LRRC14: variants seen among roughly 807,000 people sequenced by gnomAD.
LRRC14 encodes leucine-rich repeat-containing protein 14.
In LRRC14, 16 loss-of-function variants were observed where a neutral mutation model predicts 25.3. The ratio of observed to expected loss-of-function variants is 0.63; its 90% CI spans 0.43 to 0.96. LRRC14 has a LOEUF of 0.96. LRRC14 is among the 40% of genes least tolerant of loss of function. The pLI, the probability that LRRC14 is intolerant of heterozygous loss-of-function variation, is 0.00. For synonymous variants in LRRC14, 359 were observed against 295.1 expected, an observed-to-expected ratio of 1.22 and a Z score of -2.22; for missense variants, 594 against 660.5, an observed-to-expected ratio of 0.90 and a Z score of 1.10.
chr8:144,520,342 G>A lies in LRRC14; in HGVS notation c.434G>A (p.Arg145His), dbSNP rs768966076. ...SMWDCTAAVA[R>H]TCIAQQQGGA... is the part of the protein sequence containing the mutation. ...TGGGACTGTACTGCTGCCGTAGCTC[G>A]CACATGCATTGCCCAGCAGCAGGGT... Residue 145 changes from arginine to histidine, a missense_variant, in exon 3 of 4, where the codon CGC becomes CAC. Arg to His is a conservative substitution (Grantham distance 29). Coordinates refer to ENST00000292524, the MANE Select transcript of LRRC14 (RefSeq NM_014665.4). 3.7e-6 allele frequency: 6 copies of A among 1,612,166 alleles called. No individual in the cohort carries two copies. The highest frequency in any genetic ancestry group is 2.2e-5 in the East Asian group (1 of 44,864).
In LRRC14 at chr8:144,522,603, C is replaced by G. The variant is rs1339711506; in HGVS notation, c.*1125C>G. The G allele has an allele frequency of 6.4e-7, 1 of 1,569,054 alleles. No homozygotes were observed. Among genetic ancestry groups the G allele is most frequent in the African/African-American group, 1.4e-5 (1 of 71,764 alleles). On this transcript the variant is annotated 3_prime_UTR_variant, in exon 4 of 4. Coordinates refer to ENST00000292524, the MANE Select transcript of LRRC14 (RefSeq NM_014665.4). ...AAGAGCGGCTTGGAGCGGTTGATGACGAACATCTCGTGGCCGCGCTCGTCG... is the reference window on the plus strand; with the variant it reads ...AAGAGCGGCTTGGAGCGGTTGATGAGGAACATCTCGTGGCCGCGCTCGTCG...
chr8:144,518,761 G>A lies in LRRC14; in HGVS notation c.-112+720G>A, dbSNP rs1815679528. ...TAATCTGTCACAGGGAGATGGCTGC[G>A]ATTTAGTTTTGAGGATGCTACAGGC... is the stretch of plus-strand genomic sequence containing the variant. On this transcript the variant is annotated intron_variant, in intron 1 of 3. Transcript: ENST00000292524. 3 of 152,412 alleles carry A rather than the reference G, an allele frequency of 2.0e-5. No individual in the cohort carries two copies. In the Middle Eastern group the frequency reaches 0.01, roughly 518 times the overall value. The allele number at this position is 152,412 out of a possible 1,614,324, so 9.4% of individuals were successfully genotyped here.
rs549917963 is a variant in LRRC14, at chr8:144,522,171, C to T, written c.*693C>T. 366 of 368,248 alleles carry T rather than the reference C, an allele frequency of 9.9e-4. 2 individuals are homozygous for T. Among genetic ancestry groups the T allele is most frequent in the Middle Eastern group, 7.0e-3 (10 of 1,426 alleles). 22.8% of individuals were successfully genotyped at this position (368,248 alleles called of 1,614,324 possible). A position where few individuals can be genotyped will look rare whatever the true frequency, so the allele number is the denominator to read the frequency against. On this transcript the variant is annotated 3_prime_UTR_variant, in exon 4 of 4. Transcript: ENST00000292524. ...AGCCCCGTCGGCACTGCCGGCCAGT[C>T]CTTGCTCTTCCCACCTTTCGGAGGC...
Position 144,522,446 on chromosome 8 carries a change from G to A in LRRC14, c.*968G>A, listed in dbSNP as rs900453289. 42 of 1,392,014 alleles carry A rather than the reference G, an allele frequency of 3.0e-5. No homozygotes were observed. The highest frequency in any genetic ancestry group is 3.8e-5 in the Non-Finnish European group (41 of 1,081,920). 86.2% of individuals were successfully genotyped at this position (1,392,014 alleles called of 1,614,324 possible). On this transcript the variant is annotated 3_prime_UTR_variant, in exon 4 of 4. Coordinates refer to ENST00000292524, the MANE Select transcript of LRRC14 (RefSeq NM_014665.4). ...GCGAGGCCGCACCGGCCAATCTCCG[G>A]CGCCCACGTCATCCGCGCGCCCGCG... is the stretch of plus-strand genomic sequence containing the variant.
In LRRC14 at chr8:144,524,033, A is replaced by G; in HGVS notation, c.*2555A>G. The G allele has an allele frequency of 1.3e-6, 2 of 1,505,818 alleles. No individual in the cohort carries two copies. Among genetic ancestry groups the G allele is most frequent in the Middle Eastern group, 2.5e-4 (1 of 4,072 alleles). 93.3% of individuals were successfully genotyped at this position (1,505,818 alleles called of 1,614,324 possible). ...CTGCTGCCCAGTTGCCTGATGTCAG[A>G]GCCCCTCCACACATGAGCCTGCTCC... On this transcript the variant is annotated 3_prime_UTR_variant, in exon 4 of 4. Coordinates refer to ENST00000292524, the MANE Select transcript of LRRC14 (RefSeq NM_014665.4).
rs1391495931 is a variant in LRRC14 at position 144,520,052 on chromosome 8, C to T, written c.327C>T (p.Cys109=). 5.0e-6 allele frequency: 8 copies of T among 1,600,032 alleles called. 1 individual carries two copies. The highest frequency in any genetic ancestry group is 6.0e-6 in the Non-Finnish European group (7 of 1,174,598). Residue 109 remains cysteine, a splice_region_variant and synonymous_variant, in exon 2 of 4, where the codon TGC becomes TGT. Coordinates refer to ENST00000292524, the MANE Select transcript of LRRC14 (RefSeq NM_014665.4). The part of the protein sequence containing the change: ...SEPGASTQPL[C]RKHALRVLDM... Reference sequence around the variant, plus strand: ...CTGGGGCCAGCACACAGCCCCTCTGCAGGTATGGACTTATCTGGAGGGTCG... The same window carrying T: ...CTGGGGCCAGCACACAGCCCCTCTGTAGGTATGGACTTATCTGGAGGGTCG...
chr8:144,523,766 G>C lies in LRRC14; in HGVS notation c.*2288G>C. Reference sequence around the variant, plus strand: ...CACTGAAACCTCACAAGTCCTCTCAGCCTTGCCTTTGGATGCCCTCTCTTG... The same window carrying C: ...CACTGAAACCTCACAAGTCCTCTCACCCTTGCCTTTGGATGCCCTCTCTTG... On this transcript the variant is annotated 3_prime_UTR_variant, in exon 4 of 4. Transcript: ENST00000292524. 2.4e-6 allele frequency: 1 copy of C among 414,770 alleles called. No homozygotes were observed. The highest frequency in any genetic ancestry group is 4.3e-6 in the Non-Finnish European group (1 of 233,958). The allele number at this position is 414,770 out of a possible 1,614,324, so 25.7% of individuals were successfully genotyped here.
chr8:144,522,922 G>T lies in LRRC14; in HGVS notation c.*1444G>T, dbSNP rs1449366849. The T allele has an allele frequency of 6.8e-7, 1 of 1,467,000 alleles. No individual in the cohort carries two copies. Among genetic ancestry groups the T allele is most frequent in the South Asian group, 1.3e-5 (1 of 74,706 alleles). The allele number at this position is 1,467,000 out of a possible 1,614,324, so 90.9% of individuals were successfully genotyped here. A position where few individuals can be genotyped will look rare whatever the true frequency, so the allele number is the denominator to read the frequency against. ...GCGCGGGCTGCTGCGGCTGCTGCCG[G>T]GACGCGTTGACCAGGAGCCGGAAGG... On this transcript the variant is annotated 3_prime_UTR_variant, in exon 4 of 4. Transcript: ENST00000292524.
At chr8:144,518,607 T>C (rs1007984959) in intron 1 of LRRC14, 31 of 152,254 alleles carry the variant, frequency 2.0e-4, no homozygotes, top group African/African-American at 7.5e-4. Context: ...ACCGGTGCCT[T>C]AAGGACTTAC....
In LRRC14 at chr8:144,524,921, G is replaced by C; in HGVS notation, c.*3443G>C. ...AGGCTGCTGGGCAGCCGGCGGCGCG[G>C]AGCGGCAGTAGTAGCAGCAGCAGCG... is the stretch of plus-strand genomic sequence containing the variant. On this transcript the variant is annotated 3_prime_UTR_variant, in exon 4 of 4. Transcript: ENST00000292524. 6.6e-7 allele frequency: 1 copy of C among 1,513,792 alleles called. No individual in the cohort carries two copies. Among genetic ancestry groups the C allele is most frequent in the African/African-American group, 1.4e-5 (1 of 72,176 alleles). 93.8% of individuals were successfully genotyped at this position (1,513,792 alleles called of 1,614,324 possible).
In LRRC14 at chr8:144,522,548, T is replaced by G; in HGVS notation, c.*1070T>G. On this transcript the variant is annotated 3_prime_UTR_variant, in exon 4 of 4. Transcript: ENST00000292524. ...CCCCGCCCCCTGTTCCGGGCCGCAGTCAGCGGGCGCCTCCGCCGGACCCTC... is the reference window on the plus strand; with the variant it reads ...CCCCGCCCCCTGTTCCGGGCCGCAGGCAGCGGGCGCCTCCGCCGGACCCTC... The G allele has an allele frequency of 5.9e-6, 9 of 1,532,434 alleles. No individual in the cohort carries two copies. The highest frequency in any genetic ancestry group is 7.9e-6 in the Non-Finnish European group (9 of 1,141,910). 94.9% of individuals were successfully genotyped at this position (1,532,434 alleles called of 1,614,324 possible). A position where few individuals can be genotyped will look rare whatever the true frequency, so the allele number is the denominator to read the frequency against.
Position 144,519,688 on chromosome 8 carries a change from C to T in LRRC14, c.-38C>T. On this transcript the variant is annotated 5_prime_UTR_variant, in exon 2 of 4. Transcript: ENST00000292524. ...TAGGGTCTCTCCTCCCTGCTGAAGT[C>T]CCTCTCCTGCAGGTGGCCGTCTGCC... is the stretch of plus-strand genomic sequence containing the variant. 6.5e-7 allele frequency: 1 copy of T among 1,544,916 alleles called. No homozygotes were observed. Among genetic ancestry groups the T allele is most frequent in the Non-Finnish European group, 8.8e-7 (1 of 1,138,440 alleles).
intron 2 of LRRC14, 81 bp from the exon 3 acceptor site, chr8:144,520,157 C>A (rs189848203): frequency 1.5e-5 from 23 of 1,563,734 alleles, no homozygotes; most frequent in Non-Finnish European, 1.8e-5. Flanking sequence ...GGAGCAGGCG[C>A]GTTGCTCCTG....
In LRRC14 at chr8:144,521,102, A is replaced by C; in HGVS notation, c.1106A>C (p.His369Pro). The change falls in exon 4 of 4, where the codon CAT becomes CCT. Residue 369 changes from histidine (H) to proline (P), a missense_variant. His to Pro is a moderately conservative substitution (Grantham distance 77). Coordinates refer to ENST00000292524, the MANE Select transcript of LRRC14 (RefSeq NM_014665.4). ...LLQASAATLL[H>P]LELTECQLAD... The stretch of plus-strand genomic sequence containing the variant: ...CAGGCATCAGCAGCCACACTGTTGC[A>C]TCTGGAGCTGACTGAGTGTCAGCTC... 6.2e-7 allele frequency: 1 copy of C among 1,613,070 alleles called. No homozygotes were observed. The highest frequency in any genetic ancestry group is 8.5e-7 in the Non-Finnish European group (1 of 1,180,022).
In LRRC14 at chr8:144,522,648, C is replaced by G; in HGVS notation, c.*1170C>G. 1 of 1,586,110 alleles carries G rather than the reference C, an allele frequency of 6.3e-7. No homozygotes were observed. Among genetic ancestry groups the G allele is most frequent in the Non-Finnish European group, 8.6e-7 (1 of 1,168,298 alleles). ...TCGTCGCGGAGCTCCTCTAGCTGTG[C>G]GAACGTACAGGGGCCGTCCAAGTAG... On this transcript the variant is annotated 3_prime_UTR_variant, in exon 4 of 4. Coordinates refer to ENST00000292524, the MANE Select transcript of LRRC14 (RefSeq NM_014665.4).
rs763094376 is a variant in LRRC14 at position 144,522,518 on chromosome 8, C to G, written c.*1040C>G. On this transcript the variant is annotated 3_prime_UTR_variant, in exon 4 of 4. Coordinates refer to ENST00000292524, the MANE Select transcript of LRRC14 (RefSeq NM_014665.4). ...GGCGACCGGCGGGGGCACGCGGAGT[C>G]CCGGCCCCGCCCCCTGTTCCGGGCC... 2 of 1,507,668 alleles carry G rather than the reference C, an allele frequency of 1.3e-6. No individual in the cohort carries two copies. The highest frequency in any genetic ancestry group is 1.8e-6 in the Non-Finnish European group (2 of 1,132,086). The allele number at this position is 1,507,668 out of a possible 1,614,324, so 93.4% of individuals were successfully genotyped here.
rs1044788101 is a variant in LRRC14, at chr8:144,522,856, G to C, written c.*1378G>C. The C allele has an allele frequency of 2.3e-6, 3 of 1,279,454 alleles. No individual in the cohort carries two copies. In the African/African-American group the frequency reaches 4.7e-5, roughly 20 times the overall value. The allele number at this position is 1,279,454 out of a possible 1,614,324, so 79.3% of individuals were successfully genotyped here. On this transcript the variant is annotated 3_prime_UTR_variant, in exon 4 of 4. Coordinates refer to ENST00000292524, the MANE Select transcript of LRRC14 (RefSeq NM_014665.4). ...AGGCCATGCTGCCCGCCTCGGGCCGGGGCTCGCTGCCGGCGGGGCGGGCGG... is the reference window on the plus strand; with the variant it reads ...AGGCCATGCTGCCCGCCTCGGGCCGCGGCTCGCTGCCGGCGGGGCGGGCGG...
chr8:144,523,333 G>A lies in LRRC14; in HGVS notation c.*1855G>A. 1.3e-6 allele frequency: 2 copies of A among 1,595,982 alleles called. No individual in the cohort carries two copies. The highest frequency in any genetic ancestry group is 1.7e-6 in the Non-Finnish European group (2 of 1,168,536). On this transcript the variant is annotated 3_prime_UTR_variant, in exon 4 of 4. Coordinates refer to ENST00000292524, the MANE Select transcript of LRRC14 (RefSeq NM_014665.4). The stretch of plus-strand genomic sequence containing the variant: ...CACACATGATCTTCCTGTCCCTGGA[G>A]GTGAGCAGCCGCTGGCCGCCCTCCT...
At position 144,520,837 on chromosome 8, in the gene LRRC14, C is replaced by G. The variant is rs373334614; in HGVS notation, c.914+15C>G. 2 of 1,593,972 alleles carry G rather than the reference C, an allele frequency of 1.3e-6. No individual in the cohort carries two copies. Among genetic ancestry groups the G allele is most frequent in the African/African-American group, 2.7e-5 (2 of 74,850 alleles). ...CAGCTGCTCAGGTGAGCGGGCCCCACCACTGCCCTGCCCCTCCCTTCTGTA... is the reference window on the plus strand; with the variant it reads ...CAGCTGCTCAGGTGAGCGGGCCCCAGCACTGCCCTGCCCCTCCCTTCTGTA... On this transcript the variant is annotated intron_variant, in intron 3 of 3. Transcript: ENST00000292524.
Sources: gnomAD v4.1 joint callset for allele counts on GRCh38, gnomAD v4.1.1 for gene constraint, MANE v1.5 for transcripts, NCBI Gene and HGNC (gene_info 2026-07-23, HGNC 2026-07-21) for gene names.